The following HYAL4 variants were observed in gnomAD, a reference collection of about 807,000 sequenced individuals.
The protein encoded by HYAL4 is hyaluronidase 4, also known as hyaluronidase-4.
A neutral mutation model predicts 35.2 loss-of-function variants in HYAL4; 37 were observed. The observed-to-expected ratio is 1.05, with a 90% CI of 0.81 to 1.38. The LOEUF is 1.38. Among genes scored for constraint, HYAL4 ranks in the 40% most tolerant of loss-of-function variants. The pLI, the probability that HYAL4 is intolerant of heterozygous loss-of-function variation, is 0.00. For synonymous variants in HYAL4, 198 were observed against 203.2 expected, an observed-to-expected ratio of 0.97 and a Z score of 0.22; for missense variants, 572 against 572.4, an observed-to-expected ratio of 1.00 and a Z score of 0.01.
chr7:123,852,174 C>G (rs1021209196), intron 2 of HYAL4, among the ~76,000 whole-genome samples: 1 of 152,136 alleles, frequency 6.6e-6, no homozygotes, highest in African/African-American at 2.4e-5. Flanking sequence ...AAAATTTTCT[C>G]TCATTCTGTA....
At chr7:123,799,447 T>TTAAATTA in the HYAL4 span, among the ~76,000 whole-genome samples, 3 of 149,966 alleles carry the variant, frequency 2.0e-5, no homozygotes, top group African/African-American at 7.3e-5. Context: ...TAAAATAAAA[T>TTAAATTA]TAAATTATAA....
chr7:123,792,046 C>T, the HYAL4 span, among the ~76,000 whole-genome samples: 15,156 of 152,138 alleles, frequency 0.1, 836 homozygotes, highest in East Asian at 0.15. Context: ...TGGCTGAGAG[C>T]TTTGAAATGA....
chr7:123,787,132 A>G, the HYAL4 span, among the ~76,000 whole-genome samples: 1 of 149,398 alleles, frequency 6.7e-6, no homozygotes, highest in African/African-American at 2.4e-5. Flanking sequence ...AAAAAAGAAA[A>G]AGAAAAAAAA....
chr7:123,851,200 A>G (rs1755396414), intron 2 of HYAL4, among the ~76,000 whole-genome samples: 1 of 152,238 alleles, frequency 6.6e-6, no homozygotes, highest in South Asian at 2.1e-4. Flanking sequence ...TAAAAAATAC[A>G]TGCAAATTAA....
chr7:123,783,823 T>C, the HYAL4 span, among the ~76,000 whole-genome samples: 1 of 152,236 alleles, frequency 6.6e-6, no homozygotes, highest in South Asian at 2.1e-4. Context: ...CCCTTCAATA[T>C]TGGACAGCCA....
chr7:123,869,879 G>C (rs1462622470), intron 3 of HYAL4, among the ~76,000 whole-genome samples: 2 of 146,244 alleles, frequency 1.4e-5, no homozygotes, highest in Non-Finnish European at 3.0e-5. Context: ...TAGTAAAGAC[G>C]GGGTTTCACC....
chr7:123,770,376 A>G, the HYAL4 span, among the ~76,000 whole-genome samples: 2 of 150,132 alleles, frequency 1.3e-5, no homozygotes, highest in African/African-American at 2.4e-5. Flanking sequence ...CGGGAGGCGG[A>G]GCTTGCAGTG....
intron 1 of HYAL4, among the ~76,000 whole-genome samples, chr7:123,832,466 C>G (rs1418059796): frequency 1.1e-5 from 1 of 91,040 alleles, no homozygotes; most frequent in Admixed American, 1.3e-4. Flanking sequence ...TCCCCAAAGT[C>G]TATTGTGTCA....
chr7:123,856,591 A>T (rs1239486718), intron 2 of HYAL4, among the ~76,000 whole-genome samples: 1 of 152,114 alleles, frequency 6.6e-6, no homozygotes, highest in Non-Finnish European at 1.5e-5. Context: ...CACCTGCCAG[A>T]TGCCAGCCAG....
the HYAL4 span, among the ~76,000 whole-genome samples, chr7:123,822,803 A>G: frequency 6.6e-6 from 1 of 152,082 alleles, no homozygotes; most frequent in East Asian, 1.9e-4. Context: ...TACAAAAGGT[A>G]AAAAAGAAAA....
intron 2 of HYAL4, among the ~76,000 whole-genome samples, chr7:123,864,972 A>G (rs560877149): frequency 1.1e-4 from 17 of 151,990 alleles, no homozygotes; most frequent in Non-Finnish European, 2.4e-4. Context: ...AGCTATGTCT[A>G]CCATCTGCCA....
At chr7:123,788,590 A>G in the HYAL4 span, among the ~76,000 whole-genome samples, 1 of 152,342 alleles carries the variant, frequency 6.6e-6, no homozygotes, top group East Asian at 1.9e-4. Flanking sequence ...CATATTGTGA[A>G]GTTACTAAAG....
the HYAL4 span, among the ~76,000 whole-genome samples, chr7:123,803,748 T>G: frequency 6.6e-6 from 1 of 152,196 alleles, no homozygotes; most frequent in Non-Finnish European, 1.5e-5. Flanking sequence ...TGTGAAGATA[T>G]GTACACCCCC....
At chr7:123,823,402 T>G in the HYAL4 span, among the ~76,000 whole-genome samples, 3 of 152,258 alleles carry the variant, frequency 2.0e-5, no homozygotes. Flanking sequence ...GGATATTGGC[T>G]GATAATTTTC....
At chr7:123,822,802 T>TA in the HYAL4 span, among the ~76,000 whole-genome samples, 6 of 151,878 alleles carry the variant, frequency 4.0e-5, no homozygotes, top group African/African-American at 1.5e-4. Flanking sequence ...CTACAAAAGG[T>TA]AAAAAAGAAA....
At chr7:123,778,233 T>G in the HYAL4 span, among the ~76,000 whole-genome samples, 24 of 152,254 alleles carry the variant, frequency 1.6e-4, no homozygotes, top group African/African-American at 5.5e-4. Flanking sequence ...ATTTGAGAGA[T>G]AGTTGCAGGC....
At chr7:123,822,258 T>C in the HYAL4 span, among the ~76,000 whole-genome samples, 20 of 152,300 alleles carry the variant, frequency 1.3e-4, no homozygotes, top group Admixed American at 1.1e-3. Flanking sequence ...TTAACAATAT[T>C]AAGTTTTTCT....
Position 123,838,693 on chromosome 7 carries a change from C to G in HYAL4, c.-256-5552C>G, listed in dbSNP as rs368906614. Among the ~76,000 whole-genome samples, 75 of 152,236 alleles carry G rather than the reference C, an allele frequency of 4.9e-4. 1 individual carries two copies. The highest frequency in any genetic ancestry group is 1.8e-3 in the African/African-American group (73 of 41,562). ...TTGGATGTTCAGGTCTCTAGCAAGG[C>G]TGGGGAAGTTTTCCTCAATTATTCC... On this transcript the variant is annotated intron_variant, in intron 1 of 4. Coordinates refer to the HYAL4 transcript ENST00000489978.
At chr7:123,764,933 A>G in the HYAL4 span, among the ~76,000 whole-genome samples, 1 of 152,220 alleles carries the variant, frequency 6.6e-6, no homozygotes, top group Admixed American at 6.5e-5. Context: ...TGAAAGTGAC[A>G]GTGATGCTTA....
Sources: allele counts gnomAD v4.1 joint callset (sites outside exome capture counted in the v4.1 genomes callset), GRCh38; gene constraint gnomAD v4.1.1; transcripts MANE v1.5; gene names NCBI Gene and HGNC (gene_info 2026-07-23, HGNC 2026-07-21).